Variants in NEDD4L observed in about 807,000 individuals in gnomAD.
NEDD4L encodes the protein E3 ubiquitin-protein ligase NEDD4-like.
A neutral mutation model predicts 148.9 loss-of-function variants in NEDD4L; 54 were observed. That is an observed-to-expected ratio of 0.36 (90% confidence interval 0.29 to 0.45). The LOEUF is 0.45. NEDD4L is among the 20% of genes least tolerant of loss of function. The pLI is 1.00. For synonymous variants in NEDD4L, 433 were observed against 440.7 expected (o/e 0.98, Z 0.22); for missense variants, 856 against 1,233.8 (o/e 0.69, Z 4.59).
rs576542997 is a variant in NEDD4L, at chr18:58,146,407, G to T, written c.49-19381G>T. Among the ~76,000 whole-genome samples, 8 of 152,240 alleles carry T rather than the reference G, an allele frequency of 5.3e-5. No individual in the cohort carries two copies. In the South Asian group the frequency reaches 6.2e-4, roughly 12 times the overall value. On this transcript the variant is annotated intron_variant, in intron 1 of 30. Coordinates refer to ENST00000400345, the MANE Select transcript of NEDD4L (RefSeq NM_001144967.3). ...GTGGACCACGGTGATCCAGGATGAT[G>T]CAGGATTTGGGCCGGGGAGGAAGAT... is the stretch of plus-strand genomic sequence containing the variant.
intron 2 of NEDD4L, among the ~76,000 whole-genome samples, chr18:58,191,475 A>G (rs1380488416): frequency 1.3e-5 from 2 of 152,086 alleles, no homozygotes; most frequent in Non-Finnish European, 2.9e-5. Flanking sequence ...GTTTGTTTCT[A>G]TTTATTTGGG....
At position 58,291,459 on chromosome 18, in the gene NEDD4L, T is replaced by A. The variant is rs1355893106; in HGVS notation, c.298-24523T>A. On this transcript the variant is annotated intron_variant, in intron 5 of 30. Transcript: ENST00000400345. The stretch of plus-strand genomic sequence containing the variant: ...TAAAAGTGGTTAGAGTGTAGTGCAA[T>A]GAATCTAGCACCATTGGTTCAGTTT... 2.6e-5 allele frequency among the ~76,000 whole-genome samples: 4 copies of A among 152,248 alleles called. 1 individual carries two copies. Among genetic ancestry groups the A allele is most frequent in the Non-Finnish European group, 2.9e-5 (2 of 68,040 alleles).
chr18:58,329,367 T>G (rs2059599264), intron 10 of NEDD4L, among the ~76,000 whole-genome samples: 1 of 152,134 alleles, frequency 6.6e-6, no homozygotes, highest in Non-Finnish European at 1.5e-5. Flanking sequence ...TTATTTTTAT[T>G]TTTTTTGAAG....
intron 2 of NEDD4L, among the ~76,000 whole-genome samples, chr18:58,196,105 A>T (rs926664983): frequency 3.3e-5 from 5 of 152,194 alleles, no homozygotes; most frequent in Non-Finnish European, 7.3e-5. Context: ...AAAAATAGAC[A>T]CTGTAAAGGA....
At chr18:58,251,535 T>TTG (rs2047938658) in intron 4 of NEDD4L, among the ~76,000 whole-genome samples, 1 of 150,228 alleles carries the variant, frequency 6.7e-6, no homozygotes, top group Admixed American at 6.6e-5. Context: ...GTCTGTGTGT[T>TTG]TGTGTGTATG....
chr18:58,365,903 G>A, intron 20 of NEDD4L, 96 bp from the exon 21 acceptor site: 1 of 799,686 alleles, frequency 1.3e-6, no homozygotes, highest in Middle Eastern at 3.7e-4. Context: ...TTTCTTTGAG[G>A]ACTGCCAACT....
intron 5 of NEDD4L, among the ~76,000 whole-genome samples, chr18:58,292,196 G>T (rs2054854356): frequency 6.7e-6 from 1 of 149,310 alleles, no homozygotes; most frequent in Admixed American, 6.7e-5. Context: ...TAAACCGCAA[G>T]TTCCCACGCA....
intron 1 of NEDD4L, among the ~76,000 whole-genome samples, chr18:58,152,961 T>C (rs1041322076): frequency 2.6e-5 from 4 of 152,164 alleles, no homozygotes; most frequent in African/African-American, 9.7e-5. Context: ...TCCGTGACGG[T>C]TGACAGCCAC....
intron 2 of NEDD4L, among the ~76,000 whole-genome samples, chr18:58,183,026 T>A (rs923814534): frequency 1.1e-4 from 16 of 152,162 alleles, no homozygotes; most frequent in African/African-American, 3.9e-4. Context: ...CATCTTCCCA[T>A]AAGAATAATG....
chr18:58,384,225 C>A (rs532303509), intron 25 of NEDD4L, among the ~76,000 whole-genome samples: 4 of 152,346 alleles, frequency 2.6e-5, no homozygotes, highest in Admixed American at 2.6e-4. Context: ...GAAAAACCTA[C>A]TGTCCTTCCT....
chr18:58,285,266 A>T (rs1040853083), intron 5 of NEDD4L, among the ~76,000 whole-genome samples: 2 of 152,076 alleles, frequency 1.3e-5, no homozygotes, highest in Non-Finnish European at 2.9e-5. Context: ...GGCCCCTATA[A>T]AAGGACCCAT....
rs529868084 is a variant in NEDD4L at position 58,185,552 on chromosome 18, T to A, written c.122+19691T>A. Among the ~76,000 whole-genome samples, 8 of 152,302 alleles carry A rather than the reference T, an allele frequency of 5.3e-5. No homozygotes were observed. The South Asian group carries it at 1.5e-3, about 28-fold the overall frequency. The stretch of plus-strand genomic sequence containing the variant: ...GGAGGGCAATTAAGTGGGTACAACC[T>A]CTAGCTATTTGGAAATATGTATAAA... On this transcript the variant is annotated intron_variant, in intron 2 of 30. Transcript: ENST00000400345.
rs1196933609 is a variant in NEDD4L, at chr18:58,324,981, AAC to A, written c.514-14_514-13del. On this transcript the variant is annotated splice_polypyrimidine_tract_variant and intron_variant, in intron 8 of 30. Coordinates refer to ENST00000400345, the MANE Select transcript of NEDD4L (RefSeq NM_001144967.3). The stretch of plus-strand genomic sequence containing the variant: ...GAACCAACCTCATAATCGTCCCTTT[AAC>A]TTTATTCCGCAGCATGGATGGGAAG... 1.9e-6 allele frequency: 3 copies of A among 1,609,232 alleles called. No individual in the cohort carries two copies. In the African/African-American group the frequency reaches 4.0e-5, roughly 21 times the overall value.
In NEDD4L at chr18:58,390,843, A is replaced by G. The variant is rs1250844410; in HGVS notation, c.2752+101A>G. On this transcript the variant is annotated intron_variant, in intron 29 of 30. Transcript: ENST00000400345. ...TGCCGCCAGGCCTCTGCAGAAGGCT[A>G]AGTTTCAGGACAGTGTGCCATGCAT... 1.4e-5 allele frequency: 11 copies of G among 793,984 alleles called. No individual in the cohort carries two copies. The Admixed American group carries it at 1.8e-4, about 13-fold the overall frequency. The allele number at this position is 793,984 out of a possible 1,614,324, so 49.2% of individuals were successfully genotyped here. A position where few individuals can be genotyped will look rare whatever the true frequency, so the allele number is the denominator to read the frequency against.
In NEDD4L at chr18:58,347,205, GCC is replaced by G. The variant is rs138430099; in HGVS notation, c.1576-2325_1576-2324del. 5.1e-5 allele frequency among the ~76,000 whole-genome samples: 2 copies of G among 39,560 alleles called. 1 individual carries two copies. The highest frequency in any genetic ancestry group is 9.1e-5 in the Non-Finnish European group (2 of 21,956). 26.0% of individuals were successfully genotyped at this position (39,560 alleles called of 152,430 possible). A position where few individuals can be genotyped will look rare whatever the true frequency, so the allele number is the denominator to read the frequency against. On this transcript the variant is annotated intron_variant, in intron 16 of 30. Transcript: ENST00000400345. ...AATTTCAGCTTCTTTTCACGCTACG[GCC>G]CCCCCCGCCCCCCCCCCCCCTTTAA... is the stretch of plus-strand genomic sequence containing the variant.
chr18:58,239,667 C>T (rs12956511), intron 2 of NEDD4L, among the ~76,000 whole-genome samples: 27,365 of 152,184 alleles, frequency 0.18, 2,759 homozygotes, highest in East Asian at 0.44. Context: ...ACGACTGTCC[C>T]TGTGGAGTGT....
intron 2 of NEDD4L, among the ~76,000 whole-genome samples, chr18:58,212,201 A>G (rs1037855062): frequency 3.3e-5 from 5 of 152,130 alleles, no homozygotes; most frequent in Non-Finnish European, 5.9e-5. Context: ...ATCAGGGCTC[A>G]CTGCAGCCTT....
At chr18:58,132,909 A>G (rs2032354420) in intron 1 of NEDD4L, among the ~76,000 whole-genome samples, 1 of 152,232 alleles carries the variant, frequency 6.6e-6, no homozygotes, top group African/African-American at 2.4e-5. Context: ...AGACAAATCG[A>G]TTAGGAGATC....
intron 5 of NEDD4L, among the ~76,000 whole-genome samples, chr18:58,260,338 T>A (rs1199539876): frequency 1.3e-5 from 2 of 152,230 alleles, no homozygotes; most frequent in African/African-American, 4.8e-5. Flanking sequence ...TATCTTCAAA[T>A]GTCACCTGTT....
Sources: gnomAD v4.1 joint callset for allele counts (sites outside exome capture counted in the v4.1 genomes callset) on GRCh38, gnomAD v4.1.1 for gene constraint, MANE v1.5 for transcripts, NCBI Gene and HGNC (gene_info 2026-07-23, HGNC 2026-07-21) for gene names.